Variants in HCLS1 observed in about 807,000 individuals in gnomAD.
HCLS1 encodes hematopoietic lineage cell-specific protein.
A neutral mutation model predicts 68.6 loss-of-function variants in HCLS1; 44 were observed. That is an observed-to-expected ratio of 0.64 (90% CI 0.50 to 0.82). The LOEUF (loss-of-function observed/expected upper bound fraction) is 0.82. Among genes scored for constraint, HCLS1 ranks in the 40% least tolerant of loss-of-function variants. The pLI is 0.00. For missense variants in HCLS1, 602 were observed against 612.1 expected, an observed-to-expected ratio of 0.98 and a Z score of 0.17; for synonymous variants, 217 against 225.8, an observed-to-expected ratio of 0.96 and a Z score of 0.35.
chr3:121,641,664 G>GAA (rs2049199852), intron 6 of HCLS1, among the ~76,000 whole-genome samples: 1 of 152,170 alleles, frequency 6.6e-6, no homozygotes, highest in South Asian at 2.1e-4. Context: ...CACTCAGGAA[G>GAA]AGATTGTGAT....
intron 4 of HCLS1, among the ~76,000 whole-genome samples, chr3:121,646,843 T>C (rs950646850): frequency 4.9e-5 from 7 of 142,698 alleles, no homozygotes; most frequent in African/African-American, 1.5e-4. Context: ...TTATTTATTA[T>C]AGAGTCAATT....
intron 6 of HCLS1, among the ~76,000 whole-genome samples, chr3:121,639,635 A>G (rs2049179875): frequency 2.0e-5 from 3 of 151,970 alleles, no homozygotes; most frequent in South Asian, 2.1e-4. Flanking sequence ...TGCAGCCTCA[A>G]CCTCCTGGGC....
In HCLS1 at chr3:121,632,103, C is replaced by A. The variant is rs376245237; in HGVS notation, c.1322G>T (p.Gly441Val). ...ISAVAVYDYQ[G>V]EGSDELSFDP... ...TCCTCGGGCCACTCCCAACCTACCT[C>A]CTTGGTAATCATATACAGCCACAGC... The change falls in exon 13 of 14, where the codon GGA becomes GTA. Residue 441 changes from glycine (G) to valine (V), a missense_variant and splice_region_variant. By Grantham distance (109) the Gly-to-Val change is moderately radical. Transcript: ENST00000314583. The A allele has an allele frequency of 6.2e-7, 1 of 1,613,962 alleles. No homozygotes were observed. Among genetic ancestry groups the A allele is most frequent in the Non-Finnish European group, 8.5e-7 (1 of 1,180,006 alleles).
intron 6 of HCLS1, among the ~76,000 whole-genome samples, chr3:121,639,264 T>C (rs1355165374): frequency 6.6e-6 from 1 of 152,190 alleles, no homozygotes; most frequent in African/African-American, 2.4e-5. Context: ...TATACTTTTT[T>C]CATGCATATA....
chr3:121,652,141 T>C (rs1319877603), intron 3 of HCLS1, among the ~76,000 whole-genome samples: 5 of 152,158 alleles, frequency 3.3e-5, no homozygotes, highest in African/African-American at 7.2e-5. Context: ...CACAAAACAA[T>C]ACATTCTATA....
intron 6 of HCLS1, among the ~76,000 whole-genome samples, chr3:121,641,130 A>T (rs183680435): frequency 1.8e-4 from 27 of 152,288 alleles, no homozygotes; most frequent in African/African-American, 6.5e-4. Context: ...ATATAGGATA[A>T]TAAAAGTAGA....
intron 3 of HCLS1, among the ~76,000 whole-genome samples, chr3:121,648,175 T>C (rs1937651916): frequency 6.6e-6 from 1 of 152,146 alleles, no homozygotes; most frequent in Admixed American, 6.5e-5. Context: ...TGATAATACC[T>C]GAGAAAACTA....
At chr3:121,633,041 C>A in intron 11 of HCLS1, 26 bp downstream of exon 11, 1 of 1,474,700 alleles carries the variant, frequency 6.8e-7, no homozygotes, top group Non-Finnish European at 9.5e-7. Flanking sequence ...GGGGTGGGGG[C>A]AGAGAATCTT....
At chr3:121,653,195 C>A (rs80082211) in intron 3 of HCLS1, among the ~76,000 whole-genome samples, 2 of 152,120 alleles carry the variant, frequency 1.3e-5, no homozygotes, top group Admixed American at 1.3e-4. Context: ...CCCTTGGGGA[C>A]GCTGAAAAAA....
chr3:121,642,799 G>A (rs12487377), intron 6 of HCLS1, 128 bp downstream of exon 6: 171,151 of 761,892 alleles, frequency 0.22, 20,377 homozygotes, highest in East Asian at 0.34. Flanking sequence ...TGAACAAAAA[G>A]TAAATAAAAT....
rs2049109774 is a variant in HCLS1 at position 121,632,495 on chromosome 3, C to A, written c.1077G>T (p.Val359=). The A allele has an allele frequency of 6.2e-7, 1 of 1,613,894 alleles. No homozygotes were observed. The highest frequency in any genetic ancestry group is 1.3e-5 in the African/African-American group (1 of 74,912). Residue 359 remains valine, a synonymous_variant, in exon 12 of 14, where the codon GTG becomes GTT. Transcript: ENST00000314583. ...LEGLQVEEEP[V]YEAEPEPEPE... Reference sequence around the variant, plus strand: ...GCTCAGGCTCAGGCTCTGCTTCGTACACTGGCTCTTCCTCCACCTGGAGGC... The same window carrying A: ...GCTCAGGCTCAGGCTCTGCTTCGTAAACTGGCTCTTCCTCCACCTGGAGGC...
chr3:121,658,147 G>A (rs916193361), intron 2 of HCLS1, 117 bp downstream of exon 2: 1 of 754,476 alleles, frequency 1.3e-6, no homozygotes, highest in African/African-American at 1.7e-5. Flanking sequence ...CCAGTATGAG[G>A]GCTGTCTCAG....
In HCLS1 at chr3:121,642,989, G is replaced by A; in HGVS notation, c.400-8C>T. The A allele has an allele frequency of 6.2e-7, 1 of 1,611,440 alleles. No homozygotes were observed. Among genetic ancestry groups the A allele is most frequent in the Non-Finnish European group, 8.5e-7 (1 of 1,177,702 alleles). ...ATCAAAGCCGACTGCTGACTACAGAGAAGAGGAGACAGAATTGGTTAGAGT... is the reference window on the plus strand; with the variant it reads ...ATCAAAGCCGACTGCTGACTACAGAAAAGAGGAGACAGAATTGGTTAGAGT... On this transcript the variant is annotated splice_region_variant and splice_polypyrimidine_tract_variant and intron_variant, in intron 5 of 13. Transcript: ENST00000314583.
At chr3:121,660,506 C>T (rs901786223) in intron 1 of HCLS1, among the ~76,000 whole-genome samples, 2 of 152,180 alleles carry the variant, frequency 1.3e-5, no homozygotes, top group African/African-American at 4.8e-5. Flanking sequence ...TGTGGTCCTC[C>T]TCCCAGCTCA....
At chr3:121,645,973 G>A (rs2049242646) in intron 4 of HCLS1, among the ~76,000 whole-genome samples, 1 of 130,618 alleles carries the variant, frequency 7.7e-6, no homozygotes, top group East Asian at 2.2e-4. Context: ...TTATAATTAT[G>A]TAACATATAT....
intron 6 of HCLS1, among the ~76,000 whole-genome samples, chr3:121,639,244 A>G (rs2049176375): frequency 6.6e-6 from 1 of 152,208 alleles, no homozygotes; most frequent in African/African-American, 2.4e-5. Context: ...CTATACCCCA[A>G]ACTACAGAAT....
intron 1 of HCLS1, among the ~76,000 whole-genome samples, chr3:121,660,389 A>C (rs2107483998): frequency 6.6e-6 from 1 of 152,222 alleles, no homozygotes; most frequent in Non-Finnish European, 1.5e-5. Flanking sequence ...CTTGGTACTC[A>C]GTGCTAGTGT....
At chr3:121,636,092 G>A (rs907146182) in intron 8 of HCLS1, among the ~76,000 whole-genome samples, 1 of 152,228 alleles carries the variant, frequency 6.6e-6, no homozygotes, top group African/African-American at 2.4e-5. Context: ...GCATGAGGAG[G>A]AACTAGTGTA....
chr3:121,646,406 A>G (rs1937606534), intron 4 of HCLS1, among the ~76,000 whole-genome samples: 1 of 91,256 alleles, frequency 1.1e-5, no homozygotes, highest in Non-Finnish European at 1.9e-5. Context: ...GTAATATATT[A>G]CATAGTAATA....
Sources: gnomAD v4.1 joint callset for allele counts (sites outside exome capture counted in the v4.1 genomes callset) on GRCh38, gnomAD v4.1.1 for gene constraint, MANE v1.5 for transcripts, NCBI Gene and HGNC (gene_info 2026-07-23, HGNC 2026-07-21) for gene names.